Variants in CCSER1 observed in about 807,000 individuals in gnomAD.
CCSER1 encodes serine-rich coiled-coil domain-containing protein 1.
CCSER1 carries 41 observed loss-of-function variants against 82.0 expected under a neutral mutation model. The ratio of observed to expected loss-of-function variants is 0.50; its 90% CI spans 0.39 to 0.65. The LOEUF is 0.65. Ranked by LOEUF, CCSER1 falls within the 30% of genes least tolerant of loss-of-function variation. The pLI, the probability that CCSER1 is intolerant of heterozygous loss-of-function variation, is 0.00. For missense variants in CCSER1, 1,119 were observed against 1,064.2 expected (o/e 1.05, Z -0.72); for synonymous variants, 414 against 383.9 (o/e 1.08, Z -0.92).
Position 91,281,383 on chromosome 4 carries a change from T to C in CCSER1, c.2217+195389T>C, listed in dbSNP as rs1295084719. 2.6e-5 allele frequency among the ~76,000 whole-genome samples: 4 copies of C among 152,174 alleles called. No homozygotes were observed. In the South Asian group the frequency reaches 6.2e-4, roughly 24 times the overall value. On this transcript the variant is annotated intron_variant, in intron 10 of 10. Transcript: ENST00000509176. ...GAATTTCTCATTGTAAAAGATTTCA[T>C]TGAGCATAAACATATAACTAAATTA... is the stretch of plus-strand genomic sequence containing the variant.
chr4:91,372,220 A>C (rs1270936987), intron 10 of CCSER1, among the ~76,000 whole-genome samples: 1 of 152,088 alleles, frequency 6.6e-6, no homozygotes, highest in East Asian at 1.9e-4. Flanking sequence ...TTCTTGTCAC[A>C]CTGCTCCTAC....
intron 9 of CCSER1, among the ~76,000 whole-genome samples, chr4:90,942,742 G>A (rs1731743605): frequency 1.3e-5 from 2 of 151,680 alleles, no homozygotes; most frequent in Non-Finnish European, 2.9e-5. Context: ...AAATAAAAAT[G>A]GCAGGTGAAT....
chr4:90,873,323 T>C (rs1426888650), intron 8 of CCSER1, among the ~76,000 whole-genome samples: 1 of 152,036 alleles, frequency 6.6e-6, no homozygotes, highest in Non-Finnish European at 1.5e-5. Flanking sequence ...TGTGTTCAGG[T>C]TTACTAATTC....
intron 5 of CCSER1, among the ~76,000 whole-genome samples, chr4:90,565,478 T>G (rs1779255183): frequency 6.6e-6 from 1 of 152,178 alleles, no homozygotes; most frequent in Non-Finnish European, 1.5e-5. Flanking sequence ...CTTAACTTCT[T>G]TCTTTCCAAT....
At chr4:90,661,435 T>A (rs987182569) in intron 6 of CCSER1, among the ~76,000 whole-genome samples, 1 of 152,144 alleles carries the variant, frequency 6.6e-6, no homozygotes, top group African/African-American at 2.4e-5. Flanking sequence ...TTTATATATA[T>A]GCTACTAGAA....
intron 9 of CCSER1, among the ~76,000 whole-genome samples, chr4:91,033,261 G>A (rs995387846): frequency 1.3e-5 from 2 of 152,102 alleles, no homozygotes; most frequent in Non-Finnish European, 2.9e-5. Context: ...GACACCCAGC[G>A]GGCACAGTGT....
At chr4:91,145,587 T>C (rs1433220664) in intron 10 of CCSER1, among the ~76,000 whole-genome samples, 3 of 152,136 alleles carry the variant, frequency 2.0e-5, no homozygotes, top group Non-Finnish European at 4.4e-5. Context: ...TGGTAGTGAG[T>C]ATTTTTCTTT....
At chr4:91,251,115 C>T (rs930492944) in intron 10 of CCSER1, among the ~76,000 whole-genome samples, 9 of 152,174 alleles carry the variant, frequency 5.9e-5, no homozygotes, top group African/African-American at 1.9e-4. Context: ...AGGTCACTGT[C>T]GTTGCTCAGG....
intron 7 of CCSER1, among the ~76,000 whole-genome samples, chr4:90,729,758 C>G (rs1330195480): frequency 3.3e-5 from 5 of 151,982 alleles, no homozygotes; most frequent in Non-Finnish European, 7.4e-5. Flanking sequence ...CTCCTGTAGT[C>G]CCAGCTACTG....
At chr4:90,259,219 T>C (rs1723884361) in intron 1 of CCSER1, among the ~76,000 whole-genome samples, 1 of 152,156 alleles carries the variant, frequency 6.6e-6, no homozygotes, top group Admixed American at 6.6e-5. Context: ...CCTAGGTATT[T>C]TATTGTTTTT....
chr4:91,098,347 T>TGAATTTCAAAG (rs1292425918), intron 10 of CCSER1, among the ~76,000 whole-genome samples: 2 of 152,216 alleles, frequency 1.3e-5, no homozygotes, highest in Non-Finnish European at 2.9e-5. Context: ...AATTATATTC[T>TGAATTTCAAAG]GAATTTCAAA....
chr4:90,436,834 T>C (rs947419762), intron 4 of CCSER1, among the ~76,000 whole-genome samples: 4 of 150,074 alleles, frequency 2.7e-5, no homozygotes, highest in Non-Finnish European at 4.4e-5. Context: ...TGAGACGGAG[T>C]CTCACTCTGT....
intron 8 of CCSER1, among the ~76,000 whole-genome samples, chr4:90,881,022 C>G (rs915941952): frequency 9.5e-5 from 14 of 147,630 alleles, no homozygotes; most frequent in Admixed American, 8.2e-4. Flanking sequence ...TTCTAGTCGA[C>G]CATCTTGGCC....
chr4:90,723,796 C>A (rs1743135607), intron 6 of CCSER1, 118 bp from the exon 7 acceptor site: 1 of 430,540 alleles, frequency 2.3e-6, no homozygotes, highest in African/African-American at 2.1e-5. Flanking sequence ...TGATTTTTTA[C>A]ATTCATATTT....
At chr4:90,645,144 A>G (rs751198162) in intron 6 of CCSER1, among the ~76,000 whole-genome samples, 1 of 152,066 alleles carries the variant, frequency 6.6e-6, no homozygotes, top group Non-Finnish European at 1.5e-5. Context: ...ATTCCATTCA[A>G]CCTGTACTTC....
chr4:91,182,887 G>A (rs1030237152), intron 10 of CCSER1, among the ~76,000 whole-genome samples: 2 of 152,220 alleles, frequency 1.3e-5, no homozygotes, highest in African/African-American at 2.4e-5. Context: ...TAAAAGATGA[G>A]GCATGTACCA....
chr4:90,918,636 G>GATATATAT (rs1289158974), intron 8 of CCSER1, among the ~76,000 whole-genome samples: 3 of 150,190 alleles, frequency 2.0e-5, no homozygotes, highest in African/African-American at 7.3e-5. Context: ...TCATTCAAGA[G>GATATATAT]AGATATATAT....
intron 10 of CCSER1, among the ~76,000 whole-genome samples, chr4:91,099,886 T>C (rs1356498173): frequency 6.6e-6 from 1 of 152,128 alleles, no homozygotes; most frequent in Non-Finnish European, 1.5e-5. Context: ...GGTGCAGACT[T>C]AGTTAATCTC....
At chr4:90,265,822 G>A (rs1725139875) in intron 1 of CCSER1, among the ~76,000 whole-genome samples, 1 of 152,032 alleles carries the variant, frequency 6.6e-6, no homozygotes, top group South Asian at 2.1e-4. Flanking sequence ...TAGATACATA[G>A]AATAAAATGC....
Sources: allele counts gnomAD v4.1 joint callset (sites outside exome capture counted in the v4.1 genomes callset), GRCh38; gene constraint gnomAD v4.1.1; transcripts MANE v1.5; gene names NCBI Gene and HGNC (gene_info 2026-07-23, HGNC 2026-07-21).